Variants in ACADM observed in about 807,000 individuals in gnomAD.
The protein encoded by ACADM is medium-chain specific acyl-CoA dehydrogenase, mitochondrial.
In ACADM, 49 loss-of-function variants were observed where a neutral mutation model predicts 58.9. The observed-to-expected ratio is 0.83, with a 90% confidence interval of 0.66 to 1.06. The LOEUF (loss-of-function observed/expected upper bound fraction) is 1.06. Ranked by LOEUF, ACADM falls within the 50% of genes least tolerant of loss-of-function variation. The pLI is 0.00. For missense variants in ACADM, 496 were observed against 507.0 expected (o/e 0.98, Z 0.21); for synonymous variants, 160 against 157.7 (o/e 1.01, Z -0.11).
chr1:75,740,805 G>T (rs12744608), intron 7 of ACADM, among the ~76,000 whole-genome samples: 39,884 of 152,014 alleles, frequency 0.26, 6,538 homozygotes, highest in East Asian at 0.68. Flanking sequence ...ACAGTTCTGG[G>T]CAACACATTT....
At chr1:75,731,265 C>G (rs528838049) in intron 2 of ACADM, among the ~76,000 whole-genome samples, 1 of 108,186 alleles carries the variant, frequency 9.2e-6, no homozygotes, top group Non-Finnish European at 1.7e-5. Context: ...GGCGACAGAG[C>G]GAGACTCCGT....
intron 7 of ACADM, among the ~76,000 whole-genome samples, chr1:75,742,573 C>A (rs1165837295): frequency 6.6e-6 from 1 of 152,172 alleles, no homozygotes; most frequent in Non-Finnish European, 1.5e-5. Flanking sequence ...GGCCCTTCTT[C>A]GGGACTACGC....
intron 10 of ACADM, 26 bp from the exon 11 acceptor site, chr1:75,761,096 T>G (rs1461836203): frequency 6.2e-7 from 1 of 1,604,602 alleles, no homozygotes; most frequent in Non-Finnish European, 8.5e-7. Context: ...ATAAATATCC[T>G]TTAATTTTTT....
chr1:75,753,652 AT>A (rs1648327283), intron 10 of ACADM, among the ~76,000 whole-genome samples: 1 of 151,776 alleles, frequency 6.6e-6, no homozygotes, highest in Non-Finnish European at 1.5e-5. Context: ...TCTCTTTCTT[AT>A]AAATTCTAAA....
intron 10 of ACADM, chr1:75,750,813 A>C: frequency 2.1e-6 from 1 of 479,732 alleles, no homozygotes; most frequent in Non-Finnish European, 3.8e-6. Context: ...CAGTGGCACA[A>C]TCTCGGTTCA....
At chr1:75,733,265 A>T in intron 4 of ACADM, 1 of 1,397,176 alleles carries the variant, frequency 7.2e-7, no homozygotes, top group East Asian at 2.5e-5. Context: ...CCAGTTTTAG[A>T]GTTGAATTGA....
chr1:75,759,033 T>G (rs1387541334), intron 10 of ACADM, among the ~76,000 whole-genome samples: 1 of 152,172 alleles, frequency 6.6e-6, no homozygotes, highest in Non-Finnish European at 1.5e-5. Context: ...GTCCGCGGCT[T>G]CATTCCTGAA....
At position 75,732,877 on chromosome 1, in the gene ACADM, G is replaced by T. The variant is rs1448376709; in HGVS notation, c.241G>T (p.Ala81Ser). The change falls in exon 4 of 12, where the codon GCC (alanine) becomes TCC (serine). Residue 81 changes from alanine (A) to serine (S), a missense_variant. Transcript: ENST00000370841. The part of the protein sequence containing the change: ...GEYPVPLIRR[A>S]WELGLMNTHI... ...GTATCCAGTCCCCCTAATTAGAAGAGCCTGGGAACTTGGTTTAATGAACAC... is the reference window on the plus strand; with the variant it reads ...GTATCCAGTCCCCCTAATTAGAAGATCCTGGGAACTTGGTTTAATGAACAC... The T allele has an allele frequency of 1.2e-6, 2 of 1,613,716 alleles. No homozygotes were observed. Among genetic ancestry groups the T allele is most frequent in the Admixed American group, 3.3e-5 (2 of 60,004 alleles).
At chr1:75,730,765 G>A (rs973988014) in intron 2 of ACADM, among the ~76,000 whole-genome samples, 2 of 151,884 alleles carry the variant, frequency 1.3e-5, no homozygotes, top group Non-Finnish European at 2.9e-5. Context: ...GGCCTCAAAT[G>A]GTTCACCTGC....
chr1:75,726,800 CTT>C (rs748703972), intron 1 of ACADM, among the ~76,000 whole-genome samples: 112 of 119,834 alleles, frequency 9.3e-4, no homozygotes, highest in African/African-American at 3.2e-3. Context: ...AACTGTTTCA[CTT>C]TTTTTTTTTT....
intron 10 of ACADM, among the ~76,000 whole-genome samples, chr1:75,760,605 A>G (rs1305002007): frequency 6.8e-6 from 1 of 147,126 alleles, no homozygotes; most frequent in East Asian, 2.1e-4. Context: ...ATTGAAGGAC[A>G]TTTTACATAA....
chr1:75,735,653 G>A (rs1647237503), intron 6 of ACADM, among the ~76,000 whole-genome samples: 2 of 152,086 alleles, frequency 1.3e-5, no homozygotes, highest in Non-Finnish European at 2.9e-5. Context: ...AGGAGTTCGA[G>A]ACCAGCCTAG....
chr1:75,732,990 G>C, intron 4 of ACADM, 68 bp downstream of exon 4: 1 of 1,613,210 alleles, frequency 6.2e-7, no homozygotes, highest in Non-Finnish European at 8.5e-7. Flanking sequence ...ACTCTACTCA[G>C]TCATTTTTTT....
rs572868768 is a variant in ACADM at position 75,727,514 on chromosome 1, A to G, written c.31-887A>G. Among the ~76,000 whole-genome samples the G allele has an allele frequency of 2.4e-3, 360 of 152,338 alleles. 4 individuals are homozygous for G. Among genetic ancestry groups the G allele is most frequent in the African/African-American group, 8.3e-3 (347 of 41,578 alleles). ...TGTGGTTCCCAGTTTGGCAGCTTTA[A>G]TAAATGCAAATTTTTACTTTTGTAT... On this transcript the variant is annotated intron_variant, in intron 1 of 11. Transcript: ENST00000370841.
chr1:75,743,509 T>G (rs1647701024), intron 7 of ACADM: 1 of 1,609,298 alleles, frequency 6.2e-7, no homozygotes, highest in East Asian at 2.2e-5. Context: ...AATCAGCCGG[T>G]GATCATAGGT....
intron 2 of ACADM, among the ~76,000 whole-genome samples, chr1:75,729,009 A>G (rs1251544603): frequency 6.6e-6 from 1 of 152,102 alleles, no homozygotes; most frequent in Non-Finnish European, 1.5e-5. Flanking sequence ...ATTTGAAATA[A>G]TATCTATCTT....
intron 2 of ACADM, among the ~76,000 whole-genome samples, chr1:75,732,107 G>GCACC (rs2100360714): frequency 6.6e-6 from 1 of 151,724 alleles, no homozygotes; most frequent in South Asian, 2.1e-4. Context: ...AGTCGTAATT[G>GCACC]CACCACTGCA....
chr1:75,733,302 G>A (rs1429231622), intron 4 of ACADM: 1 of 1,178,156 alleles, frequency 8.5e-7, no homozygotes, highest in Admixed American at 2.8e-5. Flanking sequence ...GTTAGAACAG[G>A]AATACAGGTT....
intron 9 of ACADM, 137 bp from the exon 10 acceptor site, chr1:75,750,314 A>T: frequency 2.7e-6 from 2 of 736,116 alleles, no homozygotes; most frequent in Admixed American, 2.1e-5. Context: ...TTACGTGCCT[A>T]TTCCCTGTTC....
Sources: gnomAD v4.1 joint callset for allele counts (sites outside exome capture counted in the v4.1 genomes callset) on GRCh38, gnomAD v4.1.1 for gene constraint, MANE v1.5 for transcripts, NCBI Gene and HGNC (gene_info 2026-07-23, HGNC 2026-07-21) for gene names.